The following KIF2A variants were observed in gnomAD, a reference collection of about 807,000 sequenced individuals.
KIF2A encodes the protein kinesin-like protein KIF2A.
In KIF2A, 22 loss-of-function variants were observed where a neutral mutation model predicts 100.2. The ratio of observed to expected loss-of-function variants is 0.22; its 90% CI spans 0.16 to 0.31. The LOEUF (loss-of-function observed/expected upper bound fraction) is 0.31, where lower values mean the gene tolerates loss of function less well. KIF2A is among the 10% of genes least tolerant of loss of function. KIF2A has a pLI of 1.00. For synonymous variants in KIF2A, 268 were observed against 285.9 expected, an observed-to-expected ratio of 0.94 and a Z score of 0.63; for missense variants, 495 against 898.7, an observed-to-expected ratio of 0.55 and a Z score of 5.74.
At position 62,388,946 on chromosome 5, in the gene KIF2A, CAAATACAAA is replaced by C. The variant is rs1742163163; in HGVS notation, c.*3388_*3396del. 1 of 1,492,666 alleles carries C rather than the reference CAAATACAAA, an allele frequency of 6.7e-7. No individual in the cohort carries two copies. The highest frequency in any genetic ancestry group is 1.8e-5 in the Admixed American group (1 of 54,570). The allele number at this position is 1,492,666 out of a possible 1,614,324, so 92.5% of individuals were successfully genotyped here. A position where few individuals can be genotyped will look rare whatever the true frequency, so the allele number is the denominator to read the frequency against. On this transcript the variant is annotated 3_prime_UTR_variant, in exon 21 of 21. Transcript: ENST00000407818. The stretch of plus-strand genomic sequence containing the variant: ...CAGTAAAGCAAAAGCATTATCTTCT[CAAATACAAA>C]AAATACAAAATTCATTTCTTTTCTT...
At chr5:62,332,020 CA>C (rs1746682795) in intron 1 of KIF2A, among the ~76,000 whole-genome samples, 3 of 152,068 alleles carry the variant, frequency 2.0e-5, no homozygotes, top group Admixed American at 1.3e-4. Context: ...CATTTGCAAC[CA>C]AATTATACTT....
intron 9 of KIF2A, among the ~76,000 whole-genome samples, chr5:62,358,755 C>T (rs558259428): frequency 2.0e-5 from 3 of 152,284 alleles, no homozygotes; most frequent in East Asian, 3.9e-4. Flanking sequence ...ACTGCAGCCT[C>T]GACCTTCCAG....
intron 9 of KIF2A, among the ~76,000 whole-genome samples, chr5:62,360,147 C>G (rs886237997): frequency 1.3e-4 from 19 of 151,116 alleles, no homozygotes; most frequent in African/African-American, 4.6e-4. Flanking sequence ...TGTGCCACCA[C>G]GTTCAGCTAA....
intron 12 of KIF2A, 116 bp downstream of exon 12, chr5:62,362,657 G>A (rs994029079): frequency 2.5e-5 from 10 of 406,000 alleles, no homozygotes; most frequent in South Asian, 1.5e-4. Context: ...GTTGTGCAGC[G>A]TTTACCACCA....
chr5:62,348,648 T>G (rs1263312926), intron 3 of KIF2A, among the ~76,000 whole-genome samples: 2 of 152,226 alleles, frequency 1.3e-5, no homozygotes, highest in Non-Finnish European at 2.9e-5. Context: ...AAATCCTCCC[T>G]AGCAGTTTTA....
intron 1 of KIF2A, among the ~76,000 whole-genome samples, chr5:62,344,424 G>A (rs1747454564): frequency 6.6e-6 from 1 of 151,976 alleles, no homozygotes; most frequent in Non-Finnish European, 1.5e-5. Flanking sequence ...AATTAAATGA[G>A]CTAGTATCTG....
intron 6 of KIF2A, among the ~76,000 whole-genome samples, chr5:62,353,598 G>A (rs1360742239): frequency 2.0e-5 from 3 of 151,978 alleles, no homozygotes; most frequent in South Asian, 2.1e-4. Flanking sequence ...ATGTGTTAAC[G>A]CTAAAATTTG....
chr5:62,348,399 AT>A (rs1344701123), intron 3 of KIF2A, among the ~76,000 whole-genome samples: 1 of 152,104 alleles, frequency 6.6e-6, no homozygotes, highest in East Asian at 1.9e-4. Context: ...CCTAATTAGT[AT>A]TTTTCCTGAG....
chr5:62,306,382 T>TCCCCCC lies in KIF2A; in HGVS notation c.-86_-85insCCCCCC. The TCCCCCC allele has an allele frequency of 1.1e-6, 1 of 942,896 alleles. No homozygotes were observed. Among genetic ancestry groups the TCCCCCC allele is most frequent in the Non-Finnish European group, 1.6e-6 (1 of 623,018 alleles). 58.4% of individuals were successfully genotyped at this position (942,896 alleles called of 1,614,324 possible). The stretch of plus-strand genomic sequence containing the variant: ...GGCCGGCGCGGCCGCGGGCAACCGC[T>TCCCCCC]CCCCCTCCCACACCTACCCCGCCCC... On this transcript the variant is annotated 5_prime_UTR_variant, in exon 1 of 21. Coordinates refer to ENST00000407818, the MANE Select transcript of KIF2A (RefSeq NM_001098511.3).
In KIF2A at chr5:62,371,976, G is replaced by T. The variant is rs938755267; in HGVS notation, c.1647-462G>T. Among the ~76,000 whole-genome samples the T allele has an allele frequency of 2.0e-5, 3 of 152,196 alleles. No individual in the cohort carries two copies. In the East Asian group the frequency reaches 5.8e-4, roughly 29 times the overall value. On this transcript the variant is annotated intron_variant, in intron 16 of 20. Coordinates refer to ENST00000407818, the MANE Select transcript of KIF2A (RefSeq NM_001098511.3). ...AATGCCATTCTGGATGCATAGGAAAGAAGTTAATTCATTACAAACAATGGA... is the reference window on the plus strand; with the variant it reads ...AATGCCATTCTGGATGCATAGGAAATAAGTTAATTCATTACAAACAATGGA...
chr5:62,390,212 A>T lies in KIF2A; in HGVS notation c.*4643A>T, dbSNP rs1436641040. 1.3e-5 allele frequency among the ~76,000 whole-genome samples: 2 copies of T among 152,222 alleles called. No homozygotes were observed. The highest frequency in any genetic ancestry group is 2.9e-5 in the Non-Finnish European group (2 of 68,026). On this transcript the variant is annotated 3_prime_UTR_variant, in exon 21 of 21. Transcript: ENST00000407818. The stretch of plus-strand genomic sequence containing the variant: ...TCTGAAAGTTAACATCTTAATGATT[A>T]AAAACAGTAAGTACAGGTTAGTAAT...
Position 62,386,904 on chromosome 5 carries a change from A to T in KIF2A, c.*1335A>T, listed in dbSNP as rs1342443588. Among the ~76,000 whole-genome samples, 1 of 152,230 alleles carries T rather than the reference A, an allele frequency of 6.6e-6. No individual in the cohort carries two copies. The highest frequency in any genetic ancestry group is 3.2e-3 in the Middle Eastern group (1 of 316). On this transcript the variant is annotated 3_prime_UTR_variant, in exon 21 of 21. Coordinates refer to ENST00000407818, the MANE Select transcript of KIF2A (RefSeq NM_001098511.3). Reference sequence around the variant, plus strand: ...TATATCTCTCTAGGAGTTTTCCCTCAGTTCCCAGGATGGGGTCCAGGAGTA... The same window carrying T: ...TATATCTCTCTAGGAGTTTTCCCTCTGTTCCCAGGATGGGGTCCAGGAGTA...
intron 4 of KIF2A, 94 bp downstream of exon 4, chr5:62,350,214 G>T: frequency 2.9e-6 from 2 of 685,882 alleles, no homozygotes; most frequent in Non-Finnish European, 4.8e-6. Context: ...CTTGATGTTG[G>T]TATTTATTTA....
chr5:62,332,099 G>A (rs1746685937), intron 1 of KIF2A, among the ~76,000 whole-genome samples: 1 of 152,134 alleles, frequency 6.6e-6, no homozygotes, highest in Non-Finnish European at 1.5e-5. Context: ...CAGCTGCTGT[G>A]AACTCAGCTG....
rs544758909 is a variant in KIF2A, at chr5:62,338,283, G to T, written c.65-8847G>T. Among the ~76,000 whole-genome samples, 3 of 152,132 alleles carry T rather than the reference G, an allele frequency of 2.0e-5. No individual in the cohort carries two copies. In the East Asian group the frequency reaches 5.8e-4, roughly 29 times the overall value. On this transcript the variant is annotated intron_variant, in intron 1 of 20. Transcript: ENST00000407818. The stretch of plus-strand genomic sequence containing the variant: ...ACGGATTAAGGTCCCAAATATGAAA[G>T]GTTTTGTAAAATTTTATTTATTCGA...
chr5:62,350,776 G>A (rs934962948), intron 4 of KIF2A, among the ~76,000 whole-genome samples: 1 of 151,998 alleles, frequency 6.6e-6, no homozygotes, highest in Non-Finnish European at 1.5e-5. Flanking sequence ...AGCCAGGCAT[G>A]GTGGCAGTGC....
At chr5:62,382,757 C>A (rs908625362) in intron 20 of KIF2A, among the ~76,000 whole-genome samples, 2 of 151,360 alleles carry the variant, frequency 1.3e-5, no homozygotes, top group African/African-American at 2.4e-5. Context: ...CCTCAGCCTC[C>A]CGAGTAGTTG....
intron 12 of KIF2A, 59 bp from the exon 13 acceptor site, chr5:62,363,119 C>A: frequency 7.1e-7 from 1 of 1,411,928 alleles, no homozygotes; most frequent in East Asian, 2.5e-5. Flanking sequence ...TGAGCCATTG[C>A]ACCTAGCCTG....
rs1742175195 is a variant in KIF2A at position 62,389,163 on chromosome 5, GCC to G, written c.*3596_*3597del. On this transcript the variant is annotated 3_prime_UTR_variant, in exon 21 of 21. Coordinates refer to ENST00000407818, the MANE Select transcript of KIF2A (RefSeq NM_001098511.3). ...AACATGAATACAGCATGCTTACAGA[GCC>G]CACCCACTCCTAATACTAGTTATTA... The G allele has an allele frequency of 1.1e-6, 1 of 903,440 alleles. No homozygotes were observed. The highest frequency in any genetic ancestry group is 2.7e-5 in the Admixed American group (1 of 36,674). 56.0% of individuals were successfully genotyped at this position (903,440 alleles called of 1,614,324 possible).
Sources: gnomAD v4.1 joint callset for allele counts (sites outside exome capture counted in the v4.1 genomes callset) on GRCh38, gnomAD v4.1.1 for gene constraint, MANE v1.5 for transcripts, NCBI Gene and HGNC (gene_info 2026-07-23, HGNC 2026-07-21) for gene names.